The following TNRC6B variants were observed in gnomAD, a reference collection of about 807,000 sequenced individuals.
TNRC6B encodes trinucleotide repeat-containing gene 6B protein.
A neutral mutation model predicts 203.6 loss-of-function variants in TNRC6B; 52 were observed. That is an observed-to-expected ratio of 0.26 (90% confidence interval 0.20 to 0.32). TNRC6B has a LOEUF of 0.32. TNRC6B is among the 10% of genes least tolerant of loss of function. The pLI, the probability that TNRC6B is intolerant of heterozygous loss-of-function variation, is 1.00. For missense variants in TNRC6B, 1,923 were observed against 2,286.2 expected, an observed-to-expected ratio of 0.84 and a Z score of 3.24; for synonymous variants, 838 against 845.7, an observed-to-expected ratio of 0.99 and a Z score of 0.16.
At position 40,281,224 on chromosome 22, in the gene TNRC6B, C is replaced by T; in HGVS notation, c.3517C>T (p.Leu1173=). ...SYKLSPSGST[L]PNVSLGAIGT... ...CAAGCTGTCTCCCTCTGGTTCCACA[C>T]TACCCAACGTCAGCCTTGGAGCAAT... Residue 1173 remains leucine, a synonymous_variant, in exon 11 of 23, where the codon CTA becomes TTA. Transcript: ENST00000454349. 1 of 1,551,646 alleles carries T rather than the reference C, an allele frequency of 6.4e-7. No homozygotes were observed. Among genetic ancestry groups the T allele is most frequent in the South Asian group, 1.2e-5 (1 of 84,046 alleles).
intron 1 of TNRC6B, among the ~76,000 whole-genome samples, chr22:40,064,571 T>C (rs1254774079): frequency 6.6e-6 from 1 of 152,108 alleles, no homozygotes; most frequent in Non-Finnish European, 1.5e-5. Context: ...AAGCTAACTT[T>C]GCATTCCTGG....
chr22:40,253,217 G>A (rs1157599705), intron 3 of TNRC6B, among the ~76,000 whole-genome samples: 1 of 150,930 alleles, frequency 6.6e-6, no homozygotes, highest in Non-Finnish European at 1.5e-5. Flanking sequence ...GAGTAGCTGG[G>A]ACTACAGGCA....
chr22:40,173,793 A>ATATAT (rs1320703071), upstream of TNRC6B, among the ~76,000 whole-genome samples: 2 of 64,886 alleles, frequency 3.1e-5, no homozygotes, highest in Admixed American at 2.6e-4. Flanking sequence ...ATATATATAT[A>ATATAT]TTTTTTTTTT....
chr22:40,124,714 A>C (rs1332802075), intron 2 of TNRC6B, among the ~76,000 whole-genome samples: 2 of 152,066 alleles, frequency 1.3e-5, no homozygotes, highest in African/African-American at 2.4e-5. Flanking sequence ...GTGTCATTTG[A>C]ATAATTATTC....
intron 1 of TNRC6B, among the ~76,000 whole-genome samples, chr22:40,069,195 G>T (rs1416856480): frequency 6.6e-6 from 1 of 152,042 alleles, no homozygotes; most frequent in Non-Finnish European, 1.5e-5. Flanking sequence ...TCAAATTCGT[G>T]GGCTCAAGCA....
chr22:40,177,981 C>G lies in TNRC6B; in HGVS notation c.-155C>G, dbSNP rs2069083679. 2.0e-5 allele frequency: 29 copies of G among 1,486,266 alleles called. No individual in the cohort carries two copies. In the South Asian group the frequency reaches 3.9e-4, roughly 20 times the overall value. The allele number at this position is 1,486,266 out of a possible 1,614,324, so 92.1% of individuals were successfully genotyped here. Reference sequence around the variant, plus strand: ...GAGAGTGTGTGAGAGAGAGTTAGTTCAAGCCAAAATGGCCGACAGAGTCTC... The same window carrying G: ...GAGAGTGTGTGAGAGAGAGTTAGTTGAAGCCAAAATGGCCGACAGAGTCTC... On this transcript the variant is annotated 5_prime_UTR_variant, in exon 1 of 23. Transcript: ENST00000454349.
intron 4 of TNRC6B, among the ~76,000 whole-genome samples, chr22:40,159,123 C>T (rs970032515): frequency 2.0e-5 from 3 of 151,432 alleles, no homozygotes; most frequent in Non-Finnish European, 4.4e-5. Context: ...CCATCACACC[C>T]GGCTGATTTT....
intron 1 of TNRC6B, among the ~76,000 whole-genome samples, chr22:40,189,245 A>G (rs1201695814): frequency 6.6e-6 from 1 of 152,196 alleles, no homozygotes; most frequent in Non-Finnish European, 1.5e-5. Context: ...TTGAGAAATG[A>G]ATATGTGTTT....
chr22:40,280,524 CTGT>C (rs2070709107), intron 10 of TNRC6B, among the ~76,000 whole-genome samples: 2 of 152,200 alleles, frequency 1.3e-5, no homozygotes, highest in Admixed American at 6.5e-5. Flanking sequence ...TGAGATAACT[CTGT>C]TGTTATCTTT....
At chr22:40,214,549 G>GGT (rs575460139) in intron 1 of TNRC6B, among the ~76,000 whole-genome samples, 2 of 148,276 alleles carry the variant, frequency 1.3e-5, no homozygotes, top group African/African-American at 5.0e-5. Flanking sequence ...TCTTTCTGTG[G>GGT]TTTTTTTTTT....
intron 1 of TNRC6B, among the ~76,000 whole-genome samples, chr22:40,223,758 A>T (rs2069747499): frequency 6.6e-6 from 1 of 152,182 alleles, no homozygotes. Context: ...CACATGTGTA[A>T]TTCTTTTCCT....
chr22:40,266,877 A>G lies in TNRC6B; in HGVS notation c.2647A>G (p.Ile883Val), dbSNP rs372277692. The G allele has an allele frequency of 3.3e-5, 53 of 1,613,866 alleles. No homozygotes were observed. Among genetic ancestry groups the G allele is most frequent in the African/African-American group, 1.5e-4 (11 of 74,924 alleles). ...TTGGGAAGAGCCATCCCCACAGTCA[A>G]TTAGTCGGAAAATGGACATTGATGA... ...SGWEEPSPQS[I>V]SRKMDIDDGT... Residue 883 changes from isoleucine (I) to valine (V), a missense_variant, in exon 5 of 23, where the codon ATT becomes GTT. Physicochemically the swap from Ile to Val is conservative, Grantham distance 29. This residue lies in a region of TNRC6B where 599 missense variants were observed against 656.5 expected (regional missense o/e 0.91). Transcript: ENST00000454349.
At chr22:40,077,765 TTG>T (rs10640739) in intron 1 of TNRC6B, among the ~76,000 whole-genome samples, 4 of 151,326 alleles carry the variant, frequency 2.6e-5, no homozygotes, top group Non-Finnish European at 4.4e-5. Context: ...TGGCAGTCTT[TTG>T]TGTGTGTGTG....
intron 1 of TNRC6B, among the ~76,000 whole-genome samples, chr22:40,067,124 T>C (rs892828188): frequency 6.6e-6 from 1 of 152,026 alleles, no homozygotes; most frequent in African/African-American, 2.4e-5. Flanking sequence ...GGCTAGAATG[T>C]GGAAGCTTGT....
At chr22:40,133,291 CT>C (rs934694230) in intron 3 of TNRC6B, among the ~76,000 whole-genome samples, 3 of 151,766 alleles carry the variant, frequency 2.0e-5, no homozygotes, top group African/African-American at 7.3e-5. Context: ...ATCATCTCTT[CT>C]TTTTATTGAG....
At chr22:40,136,940 A>G (rs1267227703) in intron 3 of TNRC6B, among the ~76,000 whole-genome samples, 2 of 152,220 alleles carry the variant, frequency 1.3e-5, no homozygotes, top group Non-Finnish European at 2.9e-5. Flanking sequence ...GCTTAACATT[A>G]AAGATAGTTA....
At chr22:40,321,304 A>G in intron 22 of TNRC6B, 75 bp downstream of exon 22, 1 of 1,527,766 alleles carries the variant, frequency 6.5e-7, no homozygotes, top group Non-Finnish European at 8.9e-7. Context: ...GCAGCTGCTG[A>G]ATTAAAGATG....
rs759561371 is a variant in TNRC6B, at chr22:40,264,761, C to T, written c.531C>T (p.Asn177=). 1.2e-5 allele frequency: 19 copies of T among 1,611,586 alleles called. No individual in the cohort carries two copies. The highest frequency in any genetic ancestry group is 7.7e-5 in the South Asian group (7 of 90,656). The change falls in exon 5 of 23, where the codon AAC becomes AAT. Residue 177 remains asparagine, a synonymous_variant. Transcript: ENST00000454349. ...STWGSGASSN[N]GTSPNPIHIW... ...GGGGCTCGGGAGCCTCCTCCAACAA[C>T]GGCACCTCCCCCAACCCAATTCACA... is the stretch of plus-strand genomic sequence containing the variant.
intron 3 of TNRC6B, among the ~76,000 whole-genome samples, chr22:40,133,264 C>T (rs1015553589): frequency 6.6e-6 from 1 of 151,896 alleles, no homozygotes; most frequent in African/African-American, 2.4e-5. Context: ...ACATGCTGAA[C>T]TAAGCTGTTT....
Sources: gnomAD v4.1 joint callset for allele counts (sites outside exome capture counted in the v4.1 genomes callset) on GRCh38, gnomAD v4.1.1 for gene constraint, gnomAD v4.1.1 regional missense constraint, MANE v1.5 for transcripts, NCBI Gene and HGNC (gene_info 2026-07-23, HGNC 2026-07-21) for gene names.